The following PDE4B variants were observed in gnomAD, a reference collection of about 807,000 sequenced individuals.
PDE4B encodes 3',5'-cyclic-AMP phosphodiesterase 4B.
Under a neutral mutation model 82.2 loss-of-function variants are expected in PDE4B, and 20 were observed. The observed-to-expected ratio is 0.24, with a 90% CI of 0.17 to 0.35. The LOEUF (loss-of-function observed/expected upper bound fraction) is 0.35, where lower values mean the gene tolerates loss of function less well. PDE4B is among the 10% of genes least tolerant of loss of function. PDE4B has a pLI of 1.00. For missense variants in PDE4B, 655 were observed against 907.2 expected (o/e 0.72, Z 3.57); for synonymous variants, 320 against 318.9 (o/e 1.00, Z -0.04).
chr1:66,104,033 A>C (rs988567375), intron 3 of PDE4B, among the ~76,000 whole-genome samples: 3 of 151,552 alleles, frequency 2.0e-5, no homozygotes, highest in African/African-American at 7.3e-5. Flanking sequence ...GGTGTGCTGC[A>C]CCCATTAACT....
At chr1:66,117,312 G>A (rs572811561) in intron 3 of PDE4B, among the ~76,000 whole-genome samples, 18 of 152,158 alleles carry the variant, frequency 1.2e-4, no homozygotes, top group African/African-American at 3.6e-4. Context: ...CATGGGCCAA[G>A]ATACTTGAGT....
intron 1 of PDE4B, among the ~76,000 whole-genome samples, chr1:65,913,002 AT>A (rs1647114130): frequency 6.6e-6 from 1 of 152,180 alleles, no homozygotes; most frequent in South Asian, 2.1e-4. Flanking sequence ...TGGGAGCCTA[AT>A]TGTTACTCAT....
Position 66,144,390 on chromosome 1 carries a change from AT to A in PDE4B, c.282-103069del, listed in dbSNP as rs546710649. ...ACAAGCGCGTCAAAGTTAATCATAA[AT>A]AGTTTGGATTTGAAAACTGTGATTT... On this transcript the variant is annotated intron_variant, in intron 3 of 16. Transcript: ENST00000341517. Among the ~76,000 whole-genome samples the A allele has an allele frequency of 5.9e-5, 9 of 152,350 alleles. No individual in the cohort carries two copies. In the South Asian group the frequency reaches 1.9e-3, roughly 32 times the overall value.
chr1:66,116,420 C>T (rs948868062), intron 3 of PDE4B, among the ~76,000 whole-genome samples: 2 of 152,174 alleles, frequency 1.3e-5, no homozygotes, highest in Non-Finnish European at 2.9e-5. Context: ...CCTTCCTCCC[C>T]CCAACTCCCA....
chr1:66,271,102 A>T (rs1487910918), intron 7 of PDE4B, among the ~76,000 whole-genome samples: 1 of 152,266 alleles, frequency 6.6e-6, no homozygotes, highest in Admixed American at 6.5e-5. Context: ...TATTTCATAC[A>T]TATCTAAAAT....
intron 8 of PDE4B, chr1:66,354,961 G>A (rs944416774): frequency 7.3e-7 from 1 of 1,375,668 alleles, no homozygotes; most frequent in Admixed American, 2.0e-5. Context: ...GTGTTTTTTT[G>A]TGAAGTACAG....
chr1:65,989,726 T>C (rs1387708916), intron 3 of PDE4B, among the ~76,000 whole-genome samples: 2 of 152,144 alleles, frequency 1.3e-5, no homozygotes, highest in East Asian at 3.9e-4. Flanking sequence ...AGATTCTATT[T>C]GCCTTTTCTC....
intron 1 of PDE4B, among the ~76,000 whole-genome samples, chr1:65,816,740 A>G (rs1645889686): frequency 6.6e-6 from 1 of 152,204 alleles, no homozygotes; most frequent in African/African-American, 2.4e-5. Context: ...GATTTGGGAA[A>G]ATTAATATGA....
intron 3 of PDE4B, among the ~76,000 whole-genome samples, chr1:66,236,038 A>G (rs939539758): frequency 2.6e-5 from 4 of 152,202 alleles, no homozygotes; most frequent in African/African-American, 9.7e-5. Context: ...GCTTTCAGTT[A>G]ATTTATATCG....
At chr1:66,149,938 A>G (rs1251293268) in intron 3 of PDE4B, among the ~76,000 whole-genome samples, 3 of 152,210 alleles carry the variant, frequency 2.0e-5, no homozygotes, top group African/African-American at 7.2e-5. Context: ...ATATGTTGTA[A>G]GGTAGGAGTC....
At chr1:66,283,599 A>C (rs557910080) in intron 7 of PDE4B, among the ~76,000 whole-genome samples, 28 of 152,242 alleles carry the variant, frequency 1.8e-4, no homozygotes, top group African/African-American at 6.5e-4. Flanking sequence ...AGCTTGCGTA[A>C]GTATAATTTG....
chr1:65,900,281 T>A (rs1211514392), intron 1 of PDE4B, among the ~76,000 whole-genome samples: 1 of 152,064 alleles, frequency 6.6e-6, no homozygotes, highest in Non-Finnish European at 1.5e-5. Context: ...ATGTGTGGCT[T>A]TATTTCTGGT....
In PDE4B at chr1:66,270,380, T is replaced by A. The variant is rs118027698; in HGVS notation, c.634+4293T>A. Among the ~76,000 whole-genome samples the A allele has an allele frequency of 1.2e-3, 190 of 152,340 alleles. 1 individual carries two copies. The East Asian group carries it at 0.032, about 25-fold the overall frequency. On this transcript the variant is annotated intron_variant, in intron 7 of 16. Coordinates refer to ENST00000341517, the MANE Select transcript of PDE4B (RefSeq NM_002600.4). ...CCATAGCTTTACTTGATTATGACTATCCCTCCGGAGGTTCATGTGGGTGTA... is the reference window on the plus strand; with the variant it reads ...CCATAGCTTTACTTGATTATGACTAACCCTCCGGAGGTTCATGTGGGTGTA...
At chr1:66,078,305 C>T (rs1311273598) in intron 3 of PDE4B, among the ~76,000 whole-genome samples, 1 of 151,812 alleles carries the variant, frequency 6.6e-6, no homozygotes, top group African/African-American at 2.4e-5. Context: ...CAAGCAATTT[C>T]CCTGCCTCAG....
chr1:65,894,826 A>T (rs1433486487), intron 1 of PDE4B, among the ~76,000 whole-genome samples: 1 of 152,180 alleles, frequency 6.6e-6, no homozygotes. Context: ...ATACTACTAT[A>T]CTCCCACTAG....
At chr1:66,361,527 T>C in intron 9 of PDE4B, 88 bp from the exon 10 acceptor site, 1 of 950,776 alleles carries the variant, frequency 1.1e-6, no homozygotes, top group Non-Finnish European at 1.6e-6. Context: ...ATTCTAAAGC[T>C]GTTATAGATG....
chr1:66,192,928 G>A (rs780478696), intron 3 of PDE4B, among the ~76,000 whole-genome samples: 6 of 152,050 alleles, frequency 3.9e-5, no homozygotes, highest in African/African-American at 9.7e-5. Context: ...AAAGTTTAAG[G>A]TACTTGCCCA....
At chr1:66,167,887 T>A (rs1646766167) in intron 3 of PDE4B, among the ~76,000 whole-genome samples, 1 of 152,184 alleles carries the variant, frequency 6.6e-6, no homozygotes, top group Non-Finnish European at 1.5e-5. Context: ...TTTAGTAGCA[T>A]TCTCAAAAGT....
At chr1:65,988,111 T>C (rs1378912955) in intron 3 of PDE4B, among the ~76,000 whole-genome samples, 1 of 152,232 alleles carries the variant, frequency 6.6e-6, no homozygotes, top group Non-Finnish European at 1.5e-5. Flanking sequence ...ATTTGTCTGA[T>C]ATATTTATGA....
Sources: allele counts gnomAD v4.1 joint callset (sites outside exome capture counted in the v4.1 genomes callset), GRCh38; gene constraint gnomAD v4.1.1; transcripts MANE v1.5; gene names NCBI Gene and HGNC (gene_info 2026-07-23, HGNC 2026-07-21).